The following MLIP variants were observed in gnomAD, a reference collection of about 807,000 sequenced individuals.
The protein encoded by MLIP is muscular LMNA-interacting protein.
In MLIP, 79 loss-of-function variants were observed where a neutral mutation model predicts 84.8. That is an observed-to-expected ratio of 0.93 (90% CI 0.78 to 1.12). The LOEUF (loss-of-function observed/expected upper bound fraction) is 1.12, where lower values mean the gene tolerates loss of function less well. Among genes scored for constraint, MLIP ranks in the 50% most tolerant of loss-of-function variants. The probability of loss-of-function intolerance (pLI) is 0.00; values close to 1 mark genes in which losing one functional copy is unlikely to be tolerated. For missense variants in MLIP, 1,257 were observed against 1,160.6 expected (o/e 1.08, Z -1.21); for synonymous variants, 504 against 463.0 (o/e 1.09, Z -1.14).
At chr6:54,215,183 C>T in intron 11 of MLIP, 1 of 1,535,506 alleles carries the variant, frequency 6.5e-7, no homozygotes. Flanking sequence ...AGTGACACGT[C>T]TGGTCCTTGG....
chr6:54,189,711 C>A (rs1777729306), intron 9 of MLIP, among the ~76,000 whole-genome samples, 159 bp from the exon 10 acceptor site: 1 of 152,042 alleles, frequency 6.6e-6, no homozygotes, highest in African/African-American at 2.4e-5. Flanking sequence ...TATTAAAAAT[C>A]ATTTCTTTGG....
intron 1 of MLIP, 122 bp downstream of exon 1, chr6:54,111,697 T>A: frequency 1.0e-6 from 1 of 977,142 alleles, no homozygotes; most frequent in Non-Finnish European, 1.5e-6. Flanking sequence ...GTATGTATAT[T>A]GAAATGAAAT....
chr6:54,153,693 C>CA (rs1773707698), intron 5 of MLIP, among the ~76,000 whole-genome samples: 1 of 150,904 alleles, frequency 6.6e-6, no homozygotes, highest in South Asian at 2.1e-4. Context: ...ACTGATAATA[C>CA]AAAAAAAATT....
At chr6:54,039,522 G>A (rs767782009) in intron 1 of MLIP, among the ~76,000 whole-genome samples, 5 of 151,856 alleles carry the variant, frequency 3.3e-5, no homozygotes, top group Non-Finnish European at 5.9e-5. Context: ...AAGATGGAAT[G>A]AATACACAGA....
chr6:54,027,675 C>A (rs1470960452), intron 1 of MLIP, among the ~76,000 whole-genome samples: 2 of 152,096 alleles, frequency 1.3e-5, no homozygotes, highest in Non-Finnish European at 2.9e-5. Flanking sequence ...CTATTGGAAC[C>A]CAGGGAGGGG....
intron 12 of MLIP, among the ~76,000 whole-genome samples, chr6:54,247,691 C>T (rs987402760): frequency 2.4e-4 from 36 of 152,048 alleles, no homozygotes; most frequent in Non-Finnish European, 5.9e-5. Context: ...CTGGCAGGCA[C>T]CATATAGAAA....
chr6:54,251,713 A>G (rs1373627903), intron 12 of MLIP, among the ~76,000 whole-genome samples: 1 of 106,304 alleles, frequency 9.4e-6, no homozygotes, highest in East Asian at 2.6e-4. Flanking sequence ...TATGATACAT[A>G]TATATTATAA....
At chr6:54,144,158 G>C (rs966106160) in intron 4 of MLIP, among the ~76,000 whole-genome samples, 4 of 152,110 alleles carry the variant, frequency 2.6e-5, no homozygotes, top group Non-Finnish European at 5.9e-5. Flanking sequence ...AAGTGTCTGG[G>C]CAATCCCTAT....
chr6:54,037,136 T>C (rs1764491627), intron 1 of MLIP, among the ~76,000 whole-genome samples: 1 of 152,046 alleles, frequency 6.6e-6, no homozygotes, highest in Non-Finnish European at 1.5e-5. Flanking sequence ...ATTGCTTTTT[T>C]ACATGTCGTG....
chr6:54,053,356 C>T (rs1250933964), intron 1 of MLIP, among the ~76,000 whole-genome samples: 1 of 152,178 alleles, frequency 6.6e-6, no homozygotes, highest in African/African-American at 2.4e-5. Flanking sequence ...TACCTTTAAA[C>T]TTCATATGAA....
intron 11 of MLIP, among the ~76,000 whole-genome samples, chr6:54,206,483 T>A (rs1378166901): frequency 6.6e-6 from 1 of 152,200 alleles, no homozygotes; most frequent in Non-Finnish European, 1.5e-5. Context: ...TTATTTTTCT[T>A]CTACTCTGTT....
intron 9 of MLIP, among the ~76,000 whole-genome samples, chr6:54,184,682 T>A (rs1167801420): frequency 6.6e-6 from 1 of 152,142 alleles, no homozygotes; most frequent in South Asian, 2.1e-4. Flanking sequence ...ACTTAATTAT[T>A]TAATTTATTT....
chr6:54,228,530 G>A (rs1236867554), intron 11 of MLIP, among the ~76,000 whole-genome samples: 1 of 152,206 alleles, frequency 6.6e-6, no homozygotes, highest in African/African-American at 2.4e-5. Flanking sequence ...TGATCCTACA[G>A]AAACATTCAG....
intron 1 of MLIP, among the ~76,000 whole-genome samples, chr6:54,102,327 G>A (rs1180999652): frequency 6.6e-6 from 1 of 152,158 alleles, no homozygotes; most frequent in Non-Finnish European, 1.5e-5. Flanking sequence ...GTATGTATGT[G>A]TAGGATGAAA....
At chr6:54,232,528 A>C (rs1289682793) in intron 12 of MLIP, among the ~76,000 whole-genome samples, 3 of 152,192 alleles carry the variant, frequency 2.0e-5, no homozygotes, top group Non-Finnish European at 1.5e-5. Context: ...TAATAGTAAT[A>C]ATAATAAGAT....
intron 1 of MLIP, among the ~76,000 whole-genome samples, chr6:54,097,511 A>G (rs1582133222): frequency 6.6e-6 from 1 of 152,220 alleles, no homozygotes; most frequent in Non-Finnish European, 1.5e-5. Context: ...CAGTTGAAAT[A>G]TATGACCACT....
intron 1 of MLIP, among the ~76,000 whole-genome samples, chr6:54,050,668 T>C (rs746290108): frequency 3.3e-5 from 5 of 152,182 alleles, no homozygotes; most frequent in Non-Finnish European, 7.4e-5. Context: ...ACGTTTTTAA[T>C]GATGAAACAT....
At position 54,137,924 on chromosome 6, in the gene MLIP, A is replaced by G; in HGVS notation, c.1855A>G (p.Ser619Gly). The G allele has an allele frequency of 6.5e-7, 1 of 1,536,088 alleles. No individual in the cohort carries two copies. The highest frequency in any genetic ancestry group is 8.7e-7 in the Non-Finnish European group (1 of 1,146,888). ...TTTCCATCCTTCCCCAGCTCTTTCA[A>G]GCCTGATAAACAGATCTAAAAGAGC... ...KCFHPSPALS[S>G]LINRSKRASS... is the part of the protein sequence containing the mutation. The change falls in exon 4 of 14, where the codon AGC becomes GGC. Residue 619 changes from serine to glycine, a missense_variant. Ser to Gly is a moderately conservative substitution (Grantham distance 56). Transcript: ENST00000502396.
intron 8 of MLIP, among the ~76,000 whole-genome samples, chr6:54,166,282 A>C (rs1582358038): frequency 6.6e-6 from 1 of 151,926 alleles, no homozygotes; most frequent in Non-Finnish European, 1.5e-5. Flanking sequence ...AAAATGTAAG[A>C]TCATTAACCA....
Sources: allele counts gnomAD v4.1 joint callset (sites outside exome capture counted in the v4.1 genomes callset), GRCh38; gene constraint gnomAD v4.1.1; transcripts MANE v1.5; gene names NCBI Gene and HGNC (gene_info 2026-07-23, HGNC 2026-07-21).